The following ZFPM2 variants were observed in gnomAD, a reference collection of about 807,000 sequenced individuals.
The protein encoded by ZFPM2 is zinc finger protein, FOG family member 2.
ZFPM2 carries 20 observed loss-of-function variants against 98.6 expected under a neutral mutation model. The observed-to-expected ratio is 0.20, with a 90% CI of 0.14 to 0.29. The LOEUF is 0.29. Among genes scored for constraint, ZFPM2 ranks in the 10% least tolerant of loss-of-function variants. ZFPM2 has a pLI of 1.00. For synonymous variants in ZFPM2, 518 were observed against 502.7 expected (o/e 1.03, Z -0.41); for missense variants, 1,310 against 1,388.6 (o/e 0.94, Z 0.90).
At position 105,574,940 on chromosome 8, in the gene ZFPM2, GAA is replaced by G. The variant is rs35315582; in HGVS notation, c.420+13469_420+13470del. Reference sequence around the variant, plus strand: ...TACATGTTAAATTCAGCTCCTATAGGAAAAAAAAAAATAGCACTTGCCTTTAT... The same window carrying G: ...TACATGTTAAATTCAGCTCCTATAGGAAAAAAAAATAGCACTTGCCTTTAT... On this transcript the variant is annotated intron_variant, in intron 4 of 7. Transcript: ENST00000407775. Among the ~76,000 whole-genome samples, 1,403 of 145,814 alleles carry G rather than the reference GAA, an allele frequency of 9.6e-3. 25 individuals are homozygous for G. The highest frequency in any genetic ancestry group is 0.034 in the African/African-American group (1,348 of 39,548).
intron 3 of ZFPM2, among the ~76,000 whole-genome samples, chr8:105,555,443 A>C (rs889226053): frequency 2.0e-5 from 3 of 152,124 alleles, no homozygotes; most frequent in African/African-American, 4.8e-5. Flanking sequence ...ACACATATTA[A>C]GACAACTCTC....
In ZFPM2 at chr8:105,486,673, G is replaced by T. The variant is rs372619180; in HGVS notation, c.301+42292G>T. Among the ~76,000 whole-genome samples the T allele has an allele frequency of 3.3e-5, 5 of 152,224 alleles. No homozygotes were observed. In the South Asian group the frequency reaches 1.0e-3, roughly 32 times the overall value. ...TGATTTTTTTAACTGAATTGGGTAG[G>T]TACCTAGCAATCTAGAGAAATTTCA... On this transcript the variant is annotated intron_variant, in intron 3 of 7. Coordinates refer to ENST00000407775, the MANE Select transcript of ZFPM2 (RefSeq NM_012082.4).
intron 5 of ZFPM2, among the ~76,000 whole-genome samples, chr8:105,768,481 C>T (rs1225892767): frequency 2.6e-5 from 4 of 151,916 alleles, no homozygotes; most frequent in African/African-American, 9.7e-5. Context: ...GTGAATTACA[C>T]TCCATCATCA....
chr8:105,655,014 A>G (rs1817255272), intron 5 of ZFPM2, among the ~76,000 whole-genome samples: 1 of 152,164 alleles, frequency 6.6e-6, no homozygotes, highest in Admixed American at 6.5e-5. Context: ...CAAATAAACT[A>G]TTAATTTTAG....
chr8:105,531,087 A>G (rs1396697644), intron 3 of ZFPM2, among the ~76,000 whole-genome samples: 1 of 152,130 alleles, frequency 6.6e-6, no homozygotes, highest in African/African-American at 2.4e-5. Flanking sequence ...CATGTTTACA[A>G]AAGTTACTTC....
At chr8:105,609,286 G>A (rs770751178) in intron 4 of ZFPM2, among the ~76,000 whole-genome samples, 11 of 152,002 alleles carry the variant, frequency 7.2e-5, no homozygotes, top group Non-Finnish European at 1.5e-4. Context: ...CCAGGATGGA[G>A]GGAATGGTCT....
chr8:105,428,488 C>T (rs1268817055), intron 2 of ZFPM2, among the ~76,000 whole-genome samples: 2 of 152,148 alleles, frequency 1.3e-5, no homozygotes, highest in Non-Finnish European at 2.9e-5. Context: ...TAAAGACATT[C>T]AATAAGCTAC....
intron 3 of ZFPM2, among the ~76,000 whole-genome samples, chr8:105,549,975 G>T (rs1471290751): frequency 1.3e-5 from 2 of 151,988 alleles, no homozygotes; most frequent in African/African-American, 4.8e-5. Flanking sequence ...ATTCTTCAGA[G>T]AAAATATTTA....
At chr8:105,700,944 T>C (rs1811127887) in intron 5 of ZFPM2, among the ~76,000 whole-genome samples, 1 of 152,216 alleles carries the variant, frequency 6.6e-6, no homozygotes, top group Admixed American at 6.5e-5. Flanking sequence ...AAATTACATT[T>C]TGTTTTTGCC....
chr8:105,700,123 G>A (rs553111398), intron 5 of ZFPM2, among the ~76,000 whole-genome samples: 75 of 152,248 alleles, frequency 4.9e-4, no homozygotes, highest in African/African-American at 1.5e-3. Context: ...TAGCTGAGAC[G>A]CATTAGGGTA....
chr8:105,663,259 C>G (rs1817427296), intron 5 of ZFPM2, among the ~76,000 whole-genome samples: 1 of 152,186 alleles, frequency 6.6e-6, no homozygotes, highest in Non-Finnish European at 1.5e-5. Flanking sequence ...AATAAGCTAA[C>G]AGTCACGCAG....
In ZFPM2 at chr8:105,802,480, G is replaced by A; in HGVS notation, c.2398G>A (p.Glu800Lys). The change falls in exon 8 of 8, where the codon GAA (glutamate) becomes AAA (lysine). Residue 800 changes from glutamate to lysine, a missense_variant. Coordinates refer to ENST00000407775, the MANE Select transcript of ZFPM2 (RefSeq NM_012082.4). ...IFPGIVSKHL[E>K]TSLTINKCVP... is the part of the protein sequence containing the mutation. Reference sequence around the variant, plus strand: ...TCCAGGAATTGTCTCTAAACACTTGGAAACTTCTCTGACGATCAACAAGTG... The same window carrying A: ...TCCAGGAATTGTCTCTAAACACTTGAAAACTTCTCTGACGATCAACAAGTG... The A allele has an allele frequency of 1.9e-6, 3 of 1,613,196 alleles. No homozygotes were observed. Among genetic ancestry groups the A allele is most frequent in the Non-Finnish European group, 1.7e-6 (2 of 1,179,614 alleles).
intron 1 of ZFPM2, among the ~76,000 whole-genome samples, chr8:105,415,991 TG>T (rs1250912082): frequency 1.3e-5 from 2 of 152,086 alleles, no homozygotes; most frequent in African/African-American, 2.4e-5. Context: ...ATTTGAATTT[TG>T]ATAATTCATT....
chr8:105,426,817 G>T (rs1243093131), intron 2 of ZFPM2, among the ~76,000 whole-genome samples: 1 of 149,840 alleles, frequency 6.7e-6, no homozygotes, highest in Non-Finnish European at 1.5e-5. Flanking sequence ...AAAAAATACA[G>T]GCAGTGGTAC....
intron 3 of ZFPM2, among the ~76,000 whole-genome samples, chr8:105,469,569 A>C (rs1812858697): frequency 6.6e-6 from 1 of 152,184 alleles, no homozygotes; most frequent in East Asian, 1.9e-4. Flanking sequence ...ACTAGCCTCA[A>C]ATACTGGTTT....
At chr8:105,694,908 G>A (rs1437546055) in intron 5 of ZFPM2, among the ~76,000 whole-genome samples, 1 of 152,042 alleles carries the variant, frequency 6.6e-6, no homozygotes, top group Non-Finnish European at 1.5e-5. Context: ...TAACAATAAT[G>A]ACTGTTATTG....
At chr8:105,644,444 C>A (rs1252357943) in intron 5 of ZFPM2, among the ~76,000 whole-genome samples, 3 of 151,824 alleles carry the variant, frequency 2.0e-5, no homozygotes, top group Admixed American at 6.6e-5. Context: ...TGTTGCCTCC[C>A]AAATTGTCTG....
intron 1 of ZFPM2, among the ~76,000 whole-genome samples, chr8:105,350,825 C>T (rs1586309410): frequency 6.6e-6 from 1 of 152,030 alleles, no homozygotes; most frequent in Admixed American, 6.5e-5. Context: ...TATAGTCCTC[C>T]TTCAGTATCT....
At chr8:105,697,300 T>C (rs1811040824) in intron 5 of ZFPM2, among the ~76,000 whole-genome samples, 1 of 152,246 alleles carries the variant, frequency 6.6e-6, no homozygotes, top group African/African-American at 2.4e-5. Flanking sequence ...CAATGTTTGG[T>C]ACAATCTTAG....
Sources: gnomAD v4.1 joint callset for allele counts (sites outside exome capture counted in the v4.1 genomes callset) on GRCh38, gnomAD v4.1.1 for gene constraint, MANE v1.5 for transcripts, NCBI Gene and HGNC (gene_info 2026-07-23, HGNC 2026-07-21) for gene names.